Variants in TRAPPC8 observed in about 807,000 individuals in gnomAD.
TRAPPC8 encodes the protein trafficking protein particle complex subunit 8, also known as general sporulation gene 1 homolog.
A neutral mutation model predicts 174.3 loss-of-function variants in TRAPPC8; 54 were observed. The ratio of observed to expected loss-of-function variants is 0.31; its 90% CI spans 0.25 to 0.39. The LOEUF is 0.39. TRAPPC8 is among the 10% of genes least tolerant of loss of function. The probability of loss-of-function intolerance (pLI) is 1.00; values close to 1 mark genes in which losing one functional copy is unlikely to be tolerated. For missense variants in TRAPPC8, 1,531 were observed against 1,699.1 expected, an observed-to-expected ratio of 0.90 and a Z score of 1.74; for synonymous variants, 630 against 579.9, an observed-to-expected ratio of 1.09 and a Z score of -1.24.
At chr18:31,938,790 G>A (rs1345131102) in intron 1 of TRAPPC8, among the ~76,000 whole-genome samples, 1 of 152,098 alleles carries the variant, frequency 6.6e-6, no homozygotes, top group Admixed American at 6.6e-5. Context: ...ACTTGCTAAA[G>A]AAAAGCTGTT....
chr18:31,901,675 G>A (rs1266357110), intron 9 of TRAPPC8, among the ~76,000 whole-genome samples: 1 of 152,186 alleles, frequency 6.6e-6, no homozygotes, highest in Non-Finnish European at 1.5e-5. Flanking sequence ...AAATATAAGG[G>A]CACCACTGGC....
chr18:31,883,723 AT>A (rs2145301416), intron 12 of TRAPPC8: 1 of 152,362 alleles, frequency 6.6e-6, no homozygotes, highest in South Asian at 2.1e-4. Flanking sequence ...GGTATCTCAA[AT>A]AGAGACAAAT....
chr18:31,891,406 G>A (rs1271334375), intron 11 of TRAPPC8, among the ~76,000 whole-genome samples: 1 of 152,106 alleles, frequency 6.6e-6, no homozygotes, highest in African/African-American at 2.4e-5. Flanking sequence ...CAAATCGACT[G>A]CATTTCATTA....
chr18:31,841,478 G>A (rs754102815), intron 26 of TRAPPC8, among the ~76,000 whole-genome samples: 7 of 152,070 alleles, frequency 4.6e-5, no homozygotes, highest in Non-Finnish European at 1.0e-4. Context: ...TTTACATGTG[G>A]GATGTAGGTG....
intron 12 of TRAPPC8, among the ~76,000 whole-genome samples, chr18:31,879,889 C>T (rs2035332086): frequency 6.7e-6 from 1 of 150,146 alleles, no homozygotes; most frequent in Non-Finnish European, 1.5e-5. Context: ...TTCCCAGAAT[C>T]ATACAATCTC....
intron 19 of TRAPPC8, among the ~76,000 whole-genome samples, chr18:31,859,859 T>C (rs2034233810): frequency 1.3e-5 from 2 of 151,898 alleles, no homozygotes; most frequent in Non-Finnish European, 2.9e-5. Flanking sequence ...CTACTAAAAA[T>C]ACAAAAATTA....
intron 12 of TRAPPC8, among the ~76,000 whole-genome samples, chr18:31,884,608 G>A (rs77556541): frequency 2.0e-5 from 3 of 152,076 alleles, no homozygotes; most frequent in Non-Finnish European, 4.4e-5. Context: ...CCAAGAAAAG[G>A]CTTTTTTTTC....
chr18:31,831,101 C>T, intron 28 of TRAPPC8, 112 bp from the exon 29 acceptor site: 2 of 835,750 alleles, frequency 2.4e-6, no homozygotes, highest in Non-Finnish European at 3.7e-6. Context: ...GCCTGTAATC[C>T]CAGCACTTTG....
intron 17 of TRAPPC8, 146 bp from the exon 18 acceptor site, chr18:31,867,121 A>T (rs988883531): frequency 4.5e-6 from 4 of 883,428 alleles, no homozygotes; most frequent in Non-Finnish European, 6.7e-6. Flanking sequence ...CTTCTTCAAA[A>T]GAAAATGTCT....
intron 15 of TRAPPC8, 82 bp from the exon 16 acceptor site, chr18:31,870,584 C>T: frequency 7.0e-7 from 1 of 1,431,752 alleles, no homozygotes; most frequent in Non-Finnish European, 9.6e-7. Context: ...ATGCATCTTG[C>T]TTTCATAGCT....
chr18:31,852,395 T>C, intron 24 of TRAPPC8, 51 bp downstream of exon 24: 2 of 1,587,656 alleles, frequency 1.3e-6, no homozygotes, highest in South Asian at 2.3e-5. Flanking sequence ...AATACCCAGA[T>C]ATGCTATAAC....
intron 2 of TRAPPC8, among the ~76,000 whole-genome samples, chr18:31,928,319 C>G (rs2037709683): frequency 6.7e-6 from 1 of 148,752 alleles, no homozygotes; most frequent in Non-Finnish European, 1.5e-5. Flanking sequence ...CTAATAAACA[C>G]AGCGAGACCT....
At chr18:31,924,848 T>C (rs572942229) in intron 2 of TRAPPC8, among the ~76,000 whole-genome samples, 10 of 151,924 alleles carry the variant, frequency 6.6e-5, no homozygotes, top group African/African-American at 2.4e-4. Context: ...TGAGGAGATG[T>C]TGGCAGGGAT....
Position 31,830,662 on chromosome 18 carries a change from A to G in TRAPPC8, c.*93T>C. Reference sequence around the variant, plus strand: ...TTTTGCAGGGATCAGATATCAATCAACCTCCATAACAAGTTAGGTATATCA... The same window carrying G: ...TTTTGCAGGGATCAGATATCAATCAGCCTCCATAACAAGTTAGGTATATCA... On this transcript the variant is annotated 3_prime_UTR_variant, in exon 29 of 29. Transcript: ENST00000283351. 3 of 1,059,914 alleles carry G rather than the reference A, an allele frequency of 2.8e-6. No homozygotes were observed. The highest frequency in any genetic ancestry group is 4.1e-6 in the Non-Finnish European group (3 of 736,882). 65.7% of individuals were successfully genotyped at this position (1,059,914 alleles called of 1,614,324 possible).
intron 26 of TRAPPC8, among the ~76,000 whole-genome samples, chr18:31,843,207 CCTTT>C (rs1246486567): frequency 6.6e-6 from 1 of 151,996 alleles, no homozygotes; most frequent in Non-Finnish European, 1.5e-5. Context: ...AATTATAATT[CCTTT>C]CTTTTTATAA....
At chr18:31,880,088 A>ATATATATATATAT (rs1555668900) in intron 12 of TRAPPC8, among the ~76,000 whole-genome samples, 1 of 61,472 alleles carries the variant, frequency 1.6e-5, no homozygotes, top group Non-Finnish European at 3.2e-5. Flanking sequence ...ATTGAAAAAA[A>ATATATATATATAT]AAATATATAT....
chr18:31,942,277 T>G (rs1598777561), intron 1 of TRAPPC8, among the ~76,000 whole-genome samples: 1 of 152,236 alleles, frequency 6.6e-6, no homozygotes, highest in South Asian at 2.1e-4. Flanking sequence ...GCTTTGCAAG[T>G]GCCTAATTCC....
chr18:31,838,046 C>T (rs1334801468), intron 27 of TRAPPC8, among the ~76,000 whole-genome samples: 2 of 151,862 alleles, frequency 1.3e-5, no homozygotes, highest in African/African-American at 2.4e-5. Flanking sequence ...CATAGCTGAC[C>T]GTAGCCTCAA....
At chr18:31,891,072 C>T in intron 11 of TRAPPC8, 1 of 307,068 alleles carries the variant, frequency 3.3e-6, no homozygotes, top group South Asian at 5.9e-5. Context: ...CATCTTCTAC[C>T]ATGAAATACT....
Sources: allele counts gnomAD v4.1 joint callset (sites outside exome capture counted in the v4.1 genomes callset), GRCh38; gene constraint gnomAD v4.1.1; transcripts MANE v1.5; gene names NCBI Gene and HGNC (gene_info 2026-07-23, HGNC 2026-07-21).